Variants in AKAP19 observed in about 807,000 individuals in gnomAD.
AKAP19 encodes small A-kinase anchoring protein.
At chr2:190,144,069 G>C in the AKAP19 span, among the ~76,000 whole-genome samples, 61,899 of 144,142 alleles carry the variant, frequency 0.43, 15,641 homozygotes, top group East Asian at 0.83. Context: ...ATACCTAATG[G>C]TGGATGACGA....
chr2:189,994,530 A>G, the AKAP19 span, among the ~76,000 whole-genome samples: 1 of 152,004 alleles, frequency 6.6e-6, no homozygotes, highest in Admixed American at 6.6e-5. Flanking sequence ...AGAATTTTTT[A>G]ACTTCCATCT....
At chr2:189,888,526 T>C in the AKAP19 span, among the ~76,000 whole-genome samples, 2 of 152,240 alleles carry the variant, frequency 1.3e-5, no homozygotes, top group African/African-American at 2.4e-5. Context: ...ATAAATTACT[T>C]TGGGCAGTAT....
At chr2:190,094,267 G>A in the AKAP19 span, among the ~76,000 whole-genome samples, 1 of 152,132 alleles carries the variant, frequency 6.6e-6, no homozygotes, top group Non-Finnish European at 1.5e-5. Context: ...TTTAAAAAGG[G>A]GAAACATGCT....
At chr2:190,200,422 C>CTAAG in the AKAP19 span, 1 of 324,352 alleles carries the variant, frequency 3.1e-6, no homozygotes, top group Non-Finnish European at 6.0e-6. Flanking sequence ...GCACTTCTTC[C>CTAAG]TAAGTAATGG....
chr2:190,122,899 A>T, the AKAP19 span, among the ~76,000 whole-genome samples: 1 of 151,316 alleles, frequency 6.6e-6, no homozygotes, highest in Non-Finnish European at 1.5e-5. Flanking sequence ...AACCTTGAAC[A>T]CTTGGGCTCA....
chr2:190,179,147 C>T, the AKAP19 span, among the ~76,000 whole-genome samples: 2 of 152,192 alleles, frequency 1.3e-5, no homozygotes, highest in Non-Finnish European at 2.9e-5. The surrounding 1 kb of genome is among the most constrained non-coding windows in gnomAD (Gnocchi z 6.0). Flanking sequence ...GTGGCTCACA[C>T]CTGTAATCCC....
At chr2:189,942,191 C>T in the AKAP19 span, among the ~76,000 whole-genome samples, 1 of 152,112 alleles carries the variant, frequency 6.6e-6, no homozygotes, top group East Asian at 1.9e-4. Context: ...GGTGCAGATC[C>T]CTCATGGCTT....
At chr2:190,126,293 A>AAAAAAAAAC in the AKAP19 span, among the ~76,000 whole-genome samples, 1 of 57,552 alleles carries the variant, frequency 1.7e-5, no homozygotes, top group East Asian at 3.1e-4. Flanking sequence ...CCATCTCAAA[A>AAAAAAAAAC]AAAAAAAAAA....
chr2:189,976,728 G>A, the AKAP19 span, among the ~76,000 whole-genome samples: 4 of 152,202 alleles, frequency 2.6e-5, no homozygotes, highest in Non-Finnish European at 5.9e-5. Context: ...ATTTCAGTCT[G>A]CTGTGCTAGC....
At chr2:189,978,739 T>C in the AKAP19 span, among the ~76,000 whole-genome samples, 1 of 152,232 alleles carries the variant, frequency 6.6e-6, no homozygotes, top group East Asian at 1.9e-4. Flanking sequence ...TTTCATTCTT[T>C]TTTATGGCTA....
the AKAP19 span, among the ~76,000 whole-genome samples, chr2:190,070,262 G>A: frequency 6.6e-6 from 1 of 151,834 alleles, no homozygotes; most frequent in Non-Finnish European, 1.5e-5. Flanking sequence ...TGGGGTCAGT[G>A]TTTTGTTATA....
the AKAP19 span, among the ~76,000 whole-genome samples, chr2:190,002,900 C>T: frequency 1.3e-5 from 2 of 151,740 alleles, no homozygotes; most frequent in Admixed American, 6.6e-5. Context: ...TTTTTAGTTG[C>T]GCTATTTTTA....
chr2:190,027,210 G>A, the AKAP19 span, among the ~76,000 whole-genome samples: 1 of 152,110 alleles, frequency 6.6e-6, no homozygotes, highest in African/African-American at 2.4e-5. Context: ...CACCTCACAT[G>A]CCACATTATG....
chr2:190,008,727 C>T, the AKAP19 span, among the ~76,000 whole-genome samples: 4 of 113,494 alleles, frequency 3.5e-5, no homozygotes, highest in East Asian at 2.7e-4. Flanking sequence ...AAGATGTGCA[C>T]GTGCACACAC....
chr2:189,936,454 A>G, the AKAP19 span, among the ~76,000 whole-genome samples: 1 of 152,158 alleles, frequency 6.6e-6, no homozygotes, highest in African/African-American at 2.4e-5. Flanking sequence ...GTAGGTTTTG[A>G]GAGTCTGGAA....
At chr2:190,014,427 A>G in the AKAP19 span, among the ~76,000 whole-genome samples, 8 of 152,154 alleles carry the variant, frequency 5.3e-5, no homozygotes, top group African/African-American at 1.7e-4. Flanking sequence ...TTCACTCACT[A>G]TTACAAGAAT....
chr2:190,035,752 T>C, the AKAP19 span, among the ~76,000 whole-genome samples: 2 of 152,252 alleles, frequency 1.3e-5, no homozygotes, highest in African/African-American at 4.8e-5. Flanking sequence ...GTATCAGTAA[T>C]TTATTTCTTG....
At chr2:189,883,545 A>T in the AKAP19 span, among the ~76,000 whole-genome samples, 7 of 139,006 alleles carry the variant, frequency 5.0e-5, no homozygotes, top group Non-Finnish European at 1.1e-4. Context: ...CAGGATTTGG[A>T]ACAACCTTTT....
At chr2:189,902,620 A>G in the AKAP19 span, among the ~76,000 whole-genome samples, 1 of 152,066 alleles carries the variant, frequency 6.6e-6, no homozygotes, top group Non-Finnish European at 1.5e-5. Context: ...AAAGTATTAC[A>G]TGAGTGCTAA....
Sources: gnomAD v4.1 joint callset for allele counts (sites outside exome capture counted in the v4.1 genomes callset) on GRCh38, gnomAD v4.1.1 for gene constraint, Gnocchi (gnomAD v3.1) non-coding constraint, MANE v1.5 for transcripts, NCBI Gene and HGNC (gene_info 2026-07-23, HGNC 2026-07-21) for gene names.